EFCAB8: variants seen among roughly 807,000 people sequenced by gnomAD.
EFCAB8 encodes the protein EF-hand calcium binding domain 8.
In EFCAB8, 100 loss-of-function variants were observed where a neutral mutation model predicts 116.3. That is an observed-to-expected ratio of 0.86 (90% CI 0.73 to 1.02). The LOEUF is 1.02. EFCAB8 is among the 50% of genes least tolerant of loss of function. EFCAB8 has a pLI of 0.00. For synonymous variants in EFCAB8, 558 were observed against 567.9 expected (o/e 0.98, Z 0.25); for missense variants, 1,320 against 1,416.9 (o/e 0.93, Z 1.10).
chr20:32,864,562 C>T (rs1339654558), intron 2 of EFCAB8, among the ~76,000 whole-genome samples: 18 of 152,090 alleles, frequency 1.2e-4, no homozygotes, highest in Admixed American at 1.2e-3. Context: ...TCCTGGGCAA[C>T]AGAGCGAGAC....
intron 11 of EFCAB8, among the ~76,000 whole-genome samples, chr20:32,903,252 C>T (rs943431145): frequency 2.0e-5 from 3 of 152,238 alleles, no homozygotes; most frequent in Non-Finnish European, 4.4e-5. Flanking sequence ...CACCCCTCCC[C>T]TGGGCTCCCC....
intron 17 of EFCAB8, among the ~76,000 whole-genome samples, chr20:32,915,736 G>C (rs6088039): frequency 6.7e-6 from 1 of 150,072 alleles, no homozygotes; most frequent in Admixed American, 6.6e-5. Context: ...CAGTGGTGCA[G>C]TCTTGGCTCA....
chr20:32,921,790 G>T (rs113036635), intron 20 of EFCAB8, among the ~76,000 whole-genome samples: 2 of 149,400 alleles, frequency 1.3e-5, no homozygotes, highest in South Asian at 2.1e-4. Flanking sequence ...ATACTTTCAT[G>T]AGAGGGATTT....
At chr20:32,913,453 G>A (rs192273885) in intron 17 of EFCAB8, among the ~76,000 whole-genome samples, 20 of 152,194 alleles carry the variant, frequency 1.3e-4, no homozygotes, top group African/African-American at 4.3e-4. Context: ...TAGGGATTAC[G>A]TTTCAATATA....
intron 3 of EFCAB8, among the ~76,000 whole-genome samples, chr20:32,872,912 C>A (rs12625153): frequency 6.6e-6 from 1 of 151,060 alleles, no homozygotes; most frequent in Non-Finnish European, 1.5e-5. Context: ...GCCAACATGG[C>A]GAAACCCTGT....
chr20:32,859,507 G>A (rs1486032927), intron 1 of EFCAB8, among the ~76,000 whole-genome samples: 2 of 151,900 alleles, frequency 1.3e-5, no homozygotes, highest in African/African-American at 4.8e-5. Context: ...TTCCCATTTG[G>A]CGTTTTACCT....
At chr20:32,897,724 G>T (rs1986230552) in intron 10 of EFCAB8, among the ~76,000 whole-genome samples, 2 of 152,148 alleles carry the variant, frequency 1.3e-5, no homozygotes, top group African/African-American at 4.8e-5. Context: ...TCTGTCTTCT[G>T]TGGGAAGCTC....
intron 3 of EFCAB8, among the ~76,000 whole-genome samples, chr20:32,871,820 C>G (rs1401675978): frequency 6.6e-6 from 1 of 152,134 alleles, no homozygotes; most frequent in African/African-American, 2.4e-5. Context: ...TTCCCTTTTC[C>G]TAGCTTCAGT....
intron 23 of EFCAB8, among the ~76,000 whole-genome samples, chr20:32,944,710 AT>A (rs1404767235): frequency 6.6e-6 from 1 of 151,964 alleles, no homozygotes; most frequent in East Asian, 1.9e-4. Context: ...TTTTTCCTTC[AT>A]TTTTAAAGGA....
chr20:32,875,640 G>T lies in EFCAB8; in HGVS notation c.209-286G>T, dbSNP rs567153908. ...CTGCCTCAGCCTCCCAAGTAGCTGGGATTGCAGGTACCCACCACTGTGCCC... is the reference window on the plus strand; with the variant it reads ...CTGCCTCAGCCTCCCAAGTAGCTGGTATTGCAGGTACCCACCACTGTGCCC... On this transcript the variant is annotated intron_variant, in intron 3 of 26. Transcript: ENST00000400522. Among the ~76,000 whole-genome samples, 252 of 151,588 alleles carry T rather than the reference G, an allele frequency of 1.7e-3. 1 individual carries two copies. Among genetic ancestry groups the T allele is most frequent in the African/African-American group, 5.5e-3 (228 of 41,388 alleles).
intron 19 of EFCAB8, among the ~76,000 whole-genome samples, chr20:32,919,725 C>A (rs1441624231): frequency 1.3e-5 from 2 of 152,118 alleles, no homozygotes; most frequent in East Asian, 3.9e-4. Context: ...TCTCAGACTC[C>A]TGGCCTGAAA....
At chr20:32,913,243 A>G (rs146695734) in intron 17 of EFCAB8, among the ~76,000 whole-genome samples, 3 of 152,274 alleles carry the variant, frequency 2.0e-5, no homozygotes, top group African/African-American at 7.2e-5. Context: ...GTTCCAGACA[A>G]GGTGCCAGCA....
intron 1 of EFCAB8, among the ~76,000 whole-genome samples, chr20:32,860,364 G>C (rs1205907046): frequency 6.6e-6 from 1 of 151,854 alleles, no homozygotes; most frequent in Non-Finnish European, 1.5e-5. Flanking sequence ...GGGTTTGTCT[G>C]TTTCCTTATG....
At position 32,892,288 on chromosome 20, in the gene EFCAB8, TG is replaced by T. The variant is rs1165607190; in HGVS notation, c.751del (p.Asp251ThrfsTer28). 1 of 1,551,614 alleles carries T rather than the reference TG, an allele frequency of 6.4e-7. No homozygotes were observed. On this transcript the variant is annotated frameshift_variant, in exon 8 of 27. Coordinates refer to ENST00000400522, the MANE Select transcript of EFCAB8 (RefSeq NM_001143967.2). LOFTEE classifies it high-confidence loss of function. ...GATCTGGACAGCTGTGCTCTGGTCA[TG>T]GACTACTGGTGAGTCTCCACTGGGT... ...FVDLDSCALVMDYWSDYHRGV... is the reference protein window; with the variant it reads ...FVDLDSCALVXDYWSDYHRGV...
At chr20:32,898,063 G>T (rs1268329439) in intron 10 of EFCAB8, among the ~76,000 whole-genome samples, 2 of 152,150 alleles carry the variant, frequency 1.3e-5, no homozygotes, top group Non-Finnish European at 2.9e-5. Flanking sequence ...TGCCCTCCGC[G>T]CTTCCTTGAG....
intron 7 of EFCAB8, 125 bp downstream of exon 7, chr20:32,889,531 G>A (rs556244334): frequency 3.1e-6 from 3 of 960,582 alleles, no homozygotes; most frequent in Admixed American, 4.3e-5. Flanking sequence ...GGATAGCCAG[G>A]TGGAGAGGCC....
Position 32,906,978 on chromosome 20 carries a change from G to T in EFCAB8, c.1292G>T (p.Ser431Ile). The T allele has an allele frequency of 6.6e-7, 1 of 1,526,106 alleles. No homozygotes were observed. Among genetic ancestry groups the T allele is most frequent in the Non-Finnish European group, 8.8e-7 (1 of 1,133,152 alleles). 94.5% of individuals were successfully genotyped at this position (1,526,106 alleles called of 1,614,324 possible). A position where few individuals can be genotyped will look rare whatever the true frequency, so the allele number is the denominator to read the frequency against. Residue 431 changes from serine (S) to isoleucine (I), a missense_variant, in exon 13 of 27, where the codon AGT becomes ATT. By Grantham distance (142) the Ser-to-Ile change is moderately radical. Transcript: ENST00000400522. ...VDSRNNSILI[S>I]VSKDKNIRVW... is the part of the protein sequence containing the mutation. The stretch of plus-strand genomic sequence containing the variant: ...AGCAGGAACAACAGCATCCTCATCA[G>T]TGTCTCCAAGGACAAGGTCCGCCCC...
chr20:32,961,337 C>G lies in EFCAB8; in HGVS notation c.3595C>G (p.Pro1199Ala). The change falls in exon 27 of 27, where the codon CCA becomes GCA. Residue 1199 changes from proline (P) to alanine (A), a missense_variant. Physicochemically the swap from Pro to Ala is conservative, Grantham distance 27. Coordinates refer to ENST00000400522, the MANE Select transcript of EFCAB8 (RefSeq NM_001143967.2). Reference sequence around the variant, plus strand: ...CAGCACGCCTGCGGCCGCCTCCTCCCCATCTTCCTTGTTATCTGTCACTGC... The same window carrying G: ...CAGCACGCCTGCGGCCGCCTCCTCCGCATCTTCCTTGTTATCTGTCACTGC... ...TDSTPAAASS[P>A]SSLLSVTASA... is the part of the protein sequence containing the mutation. 1.3e-6 allele frequency: 2 copies of G among 1,483,780 alleles called. No individual in the cohort carries two copies. The highest frequency in any genetic ancestry group is 1.8e-6 in the Non-Finnish European group (2 of 1,116,874). 91.9% of individuals were successfully genotyped at this position (1,483,780 alleles called of 1,614,324 possible).
At chr20:32,893,130 C>T (rs62208906) in intron 8 of EFCAB8, 44 bp from the exon 9 acceptor site, 244,436 of 1,549,352 alleles carry the variant, frequency 0.16, 20,107 homozygotes, top group East Asian at 0.23. Context: ...TGTGAGCCAC[C>T]GCGCCCAGCC....
Sources: allele counts gnomAD v4.1 joint callset (sites outside exome capture counted in the v4.1 genomes callset), GRCh38; gene constraint gnomAD v4.1.1; transcripts MANE v1.5; gene names NCBI Gene and HGNC (gene_info 2026-07-23, HGNC 2026-07-21).